The following GOLIM4 variants were observed in gnomAD, a reference collection of about 807,000 sequenced individuals.
GOLIM4 encodes the protein 130 kDa golgi-localized phosphoprotein.
Under a neutral mutation model 107.4 loss-of-function variants are expected in GOLIM4, and 71 were observed. The observed-to-expected ratio is 0.66, with a 90% CI of 0.55 to 0.81. GOLIM4 has a LOEUF of 0.81. Ranked by LOEUF, GOLIM4 falls within the 30% of genes least tolerant of loss-of-function variation. The probability of loss-of-function intolerance (pLI) is 0.00; values close to 1 mark genes in which losing one functional copy is unlikely to be tolerated. For missense variants in GOLIM4, 830 were observed against 826.1 expected (o/e 1.00, Z -0.06); for synonymous variants, 327 against 294.8 (o/e 1.11, Z -1.12).
chr3:168,075,540 C>T lies in GOLIM4; in HGVS notation c.187+19559G>A, dbSNP rs903251197. On this transcript the variant is annotated intron_variant, in intron 1 of 15. Coordinates refer to ENST00000470487, the MANE Select transcript of GOLIM4 (RefSeq NM_014498.5). ...GTCTCGATCTCCTGACCTCGTGATCCGCCTGCCTCGGCCTCCCAAAGTGCT... is the reference window on the plus strand; with the variant it reads ...GTCTCGATCTCCTGACCTCGTGATCTGCCTGCCTCGGCCTCCCAAAGTGCT... Among the ~76,000 whole-genome samples the T allele has an allele frequency of 1.1e-4, 17 of 151,848 alleles. No homozygotes were observed. The South Asian group carries it at 1.5e-3, about 13-fold the overall frequency.
At chr3:168,048,256 G>T in intron 2 of GOLIM4, 35 bp downstream of exon 2, 1 of 1,118,194 alleles carries the variant, frequency 8.9e-7, no homozygotes, top group Non-Finnish European at 1.3e-6. Flanking sequence ...AAGAGTACTG[G>T]AAAAACACAG....
At chr3:168,027,504 T>C (rs1039700807) in intron 12 of GOLIM4, among the ~76,000 whole-genome samples, 1 of 151,948 alleles carries the variant, frequency 6.6e-6, no homozygotes, top group Non-Finnish European at 1.5e-5. Flanking sequence ...GTTTTGTTTT[T>C]TTTTTTCCCC....
rs534942524 is a variant in GOLIM4, at chr3:168,068,478, G to A, written c.188-20113C>T. Among the ~76,000 whole-genome samples, 8 of 152,074 alleles carry A rather than the reference G, an allele frequency of 5.3e-5. No homozygotes were observed. The South Asian group carries it at 6.2e-4, about 12-fold the overall frequency. ...CAGGTATGCAACTTACTGTTTATAC[G>A]TCAACTTCTTGCAGGATAAAAATAT... On this transcript the variant is annotated intron_variant, in intron 1 of 15. Coordinates refer to ENST00000470487, the MANE Select transcript of GOLIM4 (RefSeq NM_014498.5).
chr3:168,095,187 G>A lies in GOLIM4; in HGVS notation c.99C>T (p.Tyr33=), dbSNP rs1722114456. The A allele has an allele frequency of 2.5e-6, 4 of 1,613,606 alleles. No homozygotes were observed. The highest frequency in any genetic ancestry group is 3.4e-6 in the Non-Finnish European group (4 of 1,179,926). ...VFGFLYGAML[Y]YELQTQLRKA... ...TCCGCAGCTGCGTCTGCAGCTCGTA[G>A]TAGAGCATCGCGCCGTAGAGAAAGC... The change falls in exon 1 of 16, where the codon TAC becomes TAT. Residue 33 remains tyrosine, a synonymous_variant. Coordinates refer to ENST00000470487, the MANE Select transcript of GOLIM4 (RefSeq NM_014498.5).
At chr3:168,064,477 A>G (rs1014156531) in intron 1 of GOLIM4, among the ~76,000 whole-genome samples, 1 of 152,232 alleles carries the variant, frequency 6.6e-6, no homozygotes, top group African/African-American at 2.4e-5. Context: ...TGAGTCCGTT[A>G]TAAGAAGAGT....
rs748650289 is a variant in GOLIM4, at chr3:168,037,014, T to C, written c.685-20A>G. ...TTGAGTCTGCATATAAATTGCACAATTTGAGGAGGGAATCTATGAATGCCC... is the reference window on the plus strand; with the variant it reads ...TTGAGTCTGCATATAAATTGCACAACTTGAGGAGGGAATCTATGAATGCCC... On this transcript the variant is annotated intron_variant, in intron 7 of 15. Transcript: ENST00000470487. 6.1e-5 allele frequency: 79 copies of C among 1,286,170 alleles called. No homozygotes were observed. Among genetic ancestry groups the C allele is most frequent in the Non-Finnish European group, 8.1e-5 (75 of 927,972 alleles). 79.7% of individuals were successfully genotyped at this position (1,286,170 alleles called of 1,614,324 possible).
Position 168,046,968 on chromosome 3 carries a change from T to C in GOLIM4, c.294A>G (p.Glu98=). The C allele has an allele frequency of 7.3e-7, 1 of 1,362,462 alleles. No individual in the cohort carries two copies. Among genetic ancestry groups the C allele is most frequent in the Admixed American group, 2.4e-5 (1 of 41,620 alleles). The allele number at this position is 1,362,462 out of a possible 1,614,324, so 84.4% of individuals were successfully genotyped here. ...AACTTACCCTTCCTTTATTTAATGT[T>C]TCTTGTGCTTCTAACTTATAAACAA... is the stretch of plus-strand genomic sequence containing the variant. ...DFLVYKLEAQ[E]TLNKGRQDSN... The change falls in exon 3 of 16, where the codon GAA becomes GAG. Residue 98 remains glutamate, a synonymous_variant. Transcript: ENST00000470487.
At chr3:168,017,372 TC>T (rs1364035202) in intron 14 of GOLIM4, among the ~76,000 whole-genome samples, 1 of 152,122 alleles carries the variant, frequency 6.6e-6, no homozygotes, top group Non-Finnish European at 1.5e-5. Flanking sequence ...ACGCCTGTAG[TC>T]TCAGCTACTC....
rs1236274177 is a variant in GOLIM4 at position 168,095,101 on chromosome 3, T to C, written c.185A>G (p.Gln62Arg). 2.5e-6 allele frequency: 4 copies of C among 1,597,642 alleles called. No homozygotes were observed. Among genetic ancestry groups the C allele is most frequent in the Non-Finnish European group, 3.4e-6 (4 of 1,168,046 alleles). The change falls in exon 1 of 16, where the codon CAA becomes CGA. Residue 62 changes from glutamine to arginine, a missense_variant and splice_region_variant. By Grantham distance (43) the Gln-to-Arg change is conservative. Coordinates refer to ENST00000470487, the MANE Select transcript of GOLIM4 (RefSeq NM_014498.5). The part of the protein sequence containing the change: ...QHQESLSAQL[Q>R]VVYEHRSRLE... ...TGCGCGCGTCCCGTTAGCCGTACCT[T>C]GTAACTGGGCGGAGAGGGACTCCTG...
chr3:168,040,843 C>T lies in GOLIM4; in HGVS notation c.627G>A (p.Glu209=), dbSNP rs779004602. ...VKQQHKNLLS[E]HEQLVVTLED... ...CCAAAGTCACTACAAGTTGTTCATG[C>T]TCGGAGAGTAAATTCTTATGCTGTT... Residue 209 remains glutamate (E), a synonymous_variant, in exon 7 of 16, where the codon GAG becomes GAA. Transcript: ENST00000470487. 5.6e-6 allele frequency: 9 copies of T among 1,612,510 alleles called. No homozygotes were observed. The highest frequency in any genetic ancestry group is 5.0e-5 in the Admixed American group (3 of 59,974).
intron 1 of GOLIM4, among the ~76,000 whole-genome samples, chr3:168,061,513 G>C (rs1302656969): frequency 6.6e-6 from 1 of 152,142 alleles, no homozygotes; most frequent in South Asian, 2.1e-4. Flanking sequence ...AGTCATATAG[G>C]AGAGTTTTAA....
Position 168,029,932 on chromosome 3 carries a change from C to A in GOLIM4, c.1281G>T (p.Leu427=), listed in dbSNP as rs749279887. The A allele has an allele frequency of 3.7e-6, 6 of 1,614,096 alleles. No homozygotes were observed. In the South Asian group the frequency reaches 6.6e-5, roughly 18 times the overall value. Reference sequence around the variant, plus strand: ...GGTGCAAAGCTTCCTGGTGTTCCCGCAGCTGCTGGGCCTCCTCCACCTGCT... The same window carrying A: ...GGTGCAAAGCTTCCTGGTGTTCCCGAAGCTGCTGGGCCTCCTCCACCTGCT... ...AVQQVEEAQQ[L]REHQEALHQQ... Residue 427 remains leucine (L), a synonymous_variant, in exon 10 of 16, where the codon CTG becomes CTT. Coordinates refer to ENST00000470487, the MANE Select transcript of GOLIM4 (RefSeq NM_014498.5).
At chr3:168,085,996 C>T (rs914914290) in intron 1 of GOLIM4, among the ~76,000 whole-genome samples, 1 of 152,112 alleles carries the variant, frequency 6.6e-6, no homozygotes, top group African/African-American at 2.4e-5. Context: ...GCCTCACCCA[C>T]ACCTGGATCA....
intron 7 of GOLIM4, 121 bp downstream of exon 7, chr3:168,040,665 G>C: frequency 1.7e-6 from 1 of 600,870 alleles, no homozygotes; most frequent in South Asian, 2.5e-5. Context: ...CTCAGGATTA[G>C]GATAGCTCTG....
chr3:168,079,925 A>G (rs1294572946), intron 1 of GOLIM4, among the ~76,000 whole-genome samples: 1 of 151,462 alleles, frequency 6.6e-6, no homozygotes, highest in African/African-American at 2.4e-5. Flanking sequence ...CACTTAAAGT[A>G]AAAAAAAATC....
chr3:168,081,996 C>A (rs563399582), intron 1 of GOLIM4, among the ~76,000 whole-genome samples: 2 of 152,200 alleles, frequency 1.3e-5, no homozygotes, highest in South Asian at 4.2e-4. Flanking sequence ...ACAGTCATGT[C>A]TAGAGGGGGT....
chr3:168,048,266 G>A, intron 2 of GOLIM4, 25 bp downstream of exon 2: 7 of 1,196,058 alleles, frequency 5.9e-6, no homozygotes, highest in Non-Finnish European at 8.5e-6. Context: ...GAAAAACACA[G>A]AACACAAATT....
chr3:168,042,950 G>T (rs887903270), intron 5 of GOLIM4, among the ~76,000 whole-genome samples: 23 of 152,188 alleles, frequency 1.5e-4, no homozygotes, highest in Admixed American at 4.6e-4. Flanking sequence ...GCTTTTTTCA[G>T]TTACTACTGG....
chr3:168,037,108 A>G, intron 7 of GOLIM4, 114 bp from the exon 8 acceptor site: 1 of 658,412 alleles, frequency 1.5e-6, no homozygotes. Flanking sequence ...ACAAGTTAGA[A>G]AAACATACAG....
Sources: gnomAD v4.1 joint callset for allele counts (sites outside exome capture counted in the v4.1 genomes callset) on GRCh38, gnomAD v4.1.1 for gene constraint, MANE v1.5 for transcripts, NCBI Gene and HGNC (gene_info 2026-07-23, HGNC 2026-07-21) for gene names.